Variants in SGCZ observed in about 807,000 individuals in gnomAD.
SGCZ encodes sarcoglycan zeta, also known as zeta-sarcoglycan.
SGCZ carries 40 observed loss-of-function variants against 41.3 expected under a neutral mutation model. That is an observed-to-expected ratio of 0.97 (90% CI 0.75 to 1.26). The LOEUF (loss-of-function observed/expected upper bound fraction) is 1.26. SGCZ is among the 50% of genes most tolerant of loss of function. The pLI is 0.00. For synonymous variants in SGCZ, 206 were observed against 137.5 expected, an observed-to-expected ratio of 1.50 and a Z score of -3.49; for missense variants, 552 against 369.8, an observed-to-expected ratio of 1.49 and a Z score of -4.04.
intron 1 of SGCZ, among the ~76,000 whole-genome samples, chr8:14,714,726 C>T (rs1331352293): frequency 6.6e-6 from 1 of 151,832 alleles, no homozygotes; most frequent in Admixed American, 6.6e-5. Flanking sequence ...CAGAAAAATA[C>T]TAGAAAAAAA....
chr8:14,782,210 T>C (rs1800613264), intron 1 of SGCZ, among the ~76,000 whole-genome samples: 1 of 152,180 alleles, frequency 6.6e-6, no homozygotes. Context: ...TGCTAAAACT[T>C]ATTAAGCACT....
chr8:14,186,995 C>G (rs1177787163), intron 4 of SGCZ, among the ~76,000 whole-genome samples: 2 of 152,126 alleles, frequency 1.3e-5, no homozygotes, highest in African/African-American at 2.4e-5. Context: ...TTCTTGAAAA[C>G]AATTGATAAA....
chr8:14,309,020 C>T (rs1256566375), intron 3 of SGCZ: 5 of 1,172,864 alleles, frequency 4.3e-6, no homozygotes, highest in Non-Finnish European at 2.4e-6. Context: ...TCACTTTTAC[C>T]AGAAAATGAA....
At chr8:14,967,178 C>T (rs188421707) in intron 1 of SGCZ, among the ~76,000 whole-genome samples, 2 of 152,140 alleles carry the variant, frequency 1.3e-5, no homozygotes, top group South Asian at 2.1e-4. Flanking sequence ...CTGTAATACA[C>T]ATTAAAATTA....
chr8:14,512,323 C>T (rs1318217245), intron 2 of SGCZ, among the ~76,000 whole-genome samples: 1 of 152,102 alleles, frequency 6.6e-6, no homozygotes, highest in Non-Finnish European at 1.5e-5. Context: ...ACCAATTACA[C>T]CCATGAAGAT....
intron 1 of SGCZ, among the ~76,000 whole-genome samples, chr8:14,890,020 C>A (rs1027721907): frequency 1.3e-5 from 2 of 152,026 alleles, no homozygotes; most frequent in Non-Finnish European, 2.9e-5. Context: ...AGTTTGAGAC[C>A]AGCCTGGCCA....
At chr8:14,412,325 T>A (rs1209861175) in intron 2 of SGCZ, among the ~76,000 whole-genome samples, 1 of 152,106 alleles carries the variant, frequency 6.6e-6, no homozygotes, top group Non-Finnish European at 1.5e-5. Flanking sequence ...AAGCATTTAG[T>A]AGACTGTGAC....
chr8:14,669,165 T>A (rs1808013468), intron 1 of SGCZ, among the ~76,000 whole-genome samples: 1 of 144,678 alleles, frequency 6.9e-6, no homozygotes, highest in Admixed American at 7.2e-5. Flanking sequence ...TAAAACCTCG[T>A]CTCTACAAAC....
intron 1 of SGCZ, among the ~76,000 whole-genome samples, chr8:14,747,851 T>C (rs1289118309): frequency 6.7e-6 from 1 of 149,926 alleles, no homozygotes; most frequent in Non-Finnish European, 1.5e-5. Flanking sequence ...TAGCTGAGAT[T>C]ACAGGCACCC....
At chr8:14,965,959 T>C (rs1027668092) in intron 1 of SGCZ, among the ~76,000 whole-genome samples, 9 of 152,172 alleles carry the variant, frequency 5.9e-5, no homozygotes, top group East Asian at 5.8e-4. Context: ...ATTGTTTAGA[T>C]TTAAAAACCT....
intron 1 of SGCZ, among the ~76,000 whole-genome samples, chr8:14,583,480 C>CT (rs1483624447): frequency 2.0e-5 from 3 of 151,936 alleles, no homozygotes; most frequent in Admixed American, 6.6e-5. Context: ...ATGGTAGTTT[C>CT]TTTTGCTGTG....
chr8:14,146,079 A>G (rs1204232377), intron 5 of SGCZ, among the ~76,000 whole-genome samples: 1 of 152,214 alleles, frequency 6.6e-6, no homozygotes, highest in Non-Finnish European at 1.5e-5. Context: ...ATCAATATCC[A>G]AGTACAAGAA....
intron 5 of SGCZ, among the ~76,000 whole-genome samples, chr8:14,134,075 T>C (rs1474683381): frequency 1.3e-5 from 2 of 152,232 alleles, no homozygotes; most frequent in Non-Finnish European, 2.9e-5. Flanking sequence ...TTATTTCACA[T>C]GTGTGAGGTA....
chr8:14,210,491 T>A (rs7016734), intron 4 of SGCZ, among the ~76,000 whole-genome samples: 114,343 of 151,242 alleles, frequency 0.76, 44,354 homozygotes, highest in African/African-American at 0.92. Context: ...AAACAGAGTT[T>A]CACTCTTGTT....
intron 5 of SGCZ, among the ~76,000 whole-genome samples, chr8:14,123,141 G>A (rs572929239): frequency 1.3e-5 from 2 of 152,226 alleles, no homozygotes; most frequent in African/African-American, 2.4e-5. Context: ...AAAACTTAAC[G>A]TACATTTTAA....
At chr8:15,201,111 G>T (rs1800874661) in intron 1 of SGCZ, among the ~76,000 whole-genome samples, 1 of 152,168 alleles carries the variant, frequency 6.6e-6, no homozygotes. Flanking sequence ...CCGCCTCCCA[G>T]GTTCAGGCGA....
chr8:14,232,828 C>T (rs975978426), intron 4 of SGCZ, among the ~76,000 whole-genome samples: 2 of 151,912 alleles, frequency 1.3e-5, no homozygotes, highest in Non-Finnish European at 2.9e-5. Context: ...AACAAGGATA[C>T]CTATGATGAA....
At chr8:14,311,901 G>C (rs1585349144) in intron 3 of SGCZ, among the ~76,000 whole-genome samples, 1 of 152,172 alleles carries the variant, frequency 6.6e-6, no homozygotes, top group South Asian at 2.1e-4. Flanking sequence ...ACATAAGATT[G>C]CTGCTCTATA....
chr8:15,069,634 A>G (rs1805279558), intron 1 of SGCZ, among the ~76,000 whole-genome samples: 1 of 152,190 alleles, frequency 6.6e-6, no homozygotes, highest in South Asian at 2.1e-4. Context: ...GCCTAAAAGC[A>G]CTATCTTACT....
Sources: allele counts gnomAD v4.1 joint callset (sites outside exome capture counted in the v4.1 genomes callset), GRCh38; gene constraint gnomAD v4.1.1; transcripts MANE v1.5; gene names NCBI Gene and HGNC (gene_info 2026-07-23, HGNC 2026-07-21).